Variants in USP50 observed in about 807,000 individuals in gnomAD.
The protein encoded by USP50 is ubiquitin carboxyl-terminal hydrolase 50.
USP50 carries 37 observed loss-of-function variants against 39.2 expected under a neutral mutation model. The observed-to-expected ratio is 0.94, with a 90% CI of 0.73 to 1.24. The LOEUF (loss-of-function observed/expected upper bound fraction) is 1.24. Ranked by LOEUF, USP50 falls within the 50% of genes most tolerant of loss-of-function variation. USP50 has a pLI of 0.00. For synonymous variants in USP50, 139 were observed against 144.5 expected, an observed-to-expected ratio of 0.96 and a Z score of 0.27; for missense variants, 374 against 398.2, an observed-to-expected ratio of 0.94 and a Z score of 0.52.
At chr15:50,544,010 G>A in intron 2 of USP50, 1 of 552,078 alleles carries the variant, frequency 1.8e-6, no homozygotes, top group South Asian at 2.0e-5. Flanking sequence ...CCCAGCTTGG[G>A]TGACAGAACA....
At chr15:50,509,186 T>G (rs1027592840) in intron 6 of USP50, 3 of 144,208 alleles carry the variant, frequency 2.1e-5, no homozygotes, top group South Asian at 4.4e-4. Context: ...GGACATGGTG[T>G]TGTGCCTGTA....
At chr15:50,498,174 A>G (rs2052487562), downstream of USP50, 1 of 155,682 alleles carries the variant, frequency 6.4e-6, no homozygotes, top group Non-Finnish European at 1.4e-5. Flanking sequence ...AATGAATGAC[A>G]TTATTTTAGT....
At chr15:50,537,502 A>C (rs1321652537) in intron 5 of USP50, among the ~76,000 whole-genome samples, 2 of 151,850 alleles carry the variant, frequency 1.3e-5, no homozygotes, top group African/African-American at 4.8e-5. Flanking sequence ...AAGAGAATAA[A>C]AAACAAGCCA....
At chr15:50,498,718 T>C, downstream of USP50, 1 of 1,607,404 alleles carries the variant, frequency 6.2e-7, no homozygotes, top group Non-Finnish European at 8.5e-7. Context: ...TATAATTTGT[T>C]TTCTGTTTCA....
intron 6 of USP50, chr15:50,501,289 A>ATATC (rs1474812084): frequency 7.0e-6 from 1 of 143,376 alleles, no homozygotes; most frequent in African/African-American, 2.6e-5. Context: ...GCGAGACTCC[A>ATATC]TATCTTTTAA....
intron 1 of USP50, among the ~76,000 whole-genome samples, chr15:50,495,300 ATAC>A (rs1424930877): frequency 0.26 from 28,540 of 108,144 alleles, 4,232 homozygotes; most frequent in African/African-American, 0.36. Context: ...ATATACATAT[ATAC>A]GTGTATATAT....
chr15:50,521,042 C>G (rs1160885763), intron 6 of USP50, among the ~76,000 whole-genome samples: 1 of 151,970 alleles, frequency 6.6e-6, no homozygotes, highest in African/African-American at 2.4e-5. Context: ...CAATTTGGTT[C>G]TTTTGTTTGT....
At chr15:50,543,858 G>A in intron 2 of USP50, 65 bp from the exon 3 acceptor site, 1 of 1,488,386 alleles carries the variant, frequency 6.7e-7, no homozygotes, top group Middle Eastern at 1.7e-4. Context: ...AATCACCCAA[G>A]CCTAGGAAAT....
At position 50,538,131 on chromosome 15, in the gene USP50, G is replaced by A. The variant is rs192423892; in HGVS notation, c.803+578C>T. ...TTTACCAAAAATACAAAAAAAATTAGCTGGGTGCGGTGGCGTGCACCTGTA... is the reference window on the plus strand; with the variant it reads ...TTTACCAAAAATACAAAAAAAATTAACTGGGTGCGGTGGCGTGCACCTGTA... On this transcript the variant is annotated intron_variant, in intron 5 of 6. Transcript: ENST00000532404. Among the ~76,000 whole-genome samples the A allele has an allele frequency of 2.8e-3, 423 of 151,334 alleles. 2 individuals are homozygous for A. Among genetic ancestry groups the A allele is most frequent in the African/African-American group, 9.8e-3 (404 of 41,274 alleles).
At chr15:50,536,462 G>A (rs1439197677) in intron 5 of USP50, among the ~76,000 whole-genome samples, 2 of 152,044 alleles carry the variant, frequency 1.3e-5, no homozygotes, top group African/African-American at 4.8e-5. Context: ...CCAACATGAC[G>A]AAACCCTGTC....
rs1382677533 is a variant in USP50 at position 50,518,028 on chromosome 15, A to G, written c.936+11769T>C. Among the ~76,000 whole-genome samples, 4 of 152,324 alleles carry G rather than the reference A, an allele frequency of 2.6e-5. No homozygotes were observed. In the East Asian group the frequency reaches 7.7e-4, roughly 29 times the overall value. On this transcript the variant is annotated intron_variant, in intron 6 of 6. Coordinates refer to ENST00000532404, the MANE Select transcript of USP50 (RefSeq NM_203494.5). ...AAAAGCAGTTCTAAGAGGGAAATTT[A>G]TAGCAATAAACACCTATATCAGAAA...
At chr15:50,497,765 T>C (rs903616393), downstream of USP50, 1 of 152,210 alleles carries the variant, frequency 6.6e-6, no homozygotes, top group Non-Finnish European at 1.5e-5. Context: ...TTCTTTGGTC[T>C]TCACATAATC....
intron 6 of USP50, chr15:50,508,997 G>A (rs1566902394): frequency 1.3e-5 from 2 of 152,120 alleles, no homozygotes; most frequent in South Asian, 2.1e-4. Flanking sequence ...ACCTGGGCAC[G>A]GTGGCGGGCG....
chr15:50,503,344 T>G (rs1487465061), intron 6 of USP50: 1 of 152,340 alleles, frequency 6.6e-6, no homozygotes, highest in Non-Finnish European at 1.5e-5. Flanking sequence ...ACAGGAAATT[T>G]AACAACAGTA....
chr15:50,531,438 A>AG (rs2052939939), intron 5 of USP50, among the ~76,000 whole-genome samples: 1 of 152,226 alleles, frequency 6.6e-6, no homozygotes, highest in African/African-American at 2.4e-5. Flanking sequence ...GCTAAGTGAA[A>AG]GAAAAACTCT....
intron 6 of USP50, chr15:50,501,045 C>A (rs2052576006): frequency 2.0e-6 from 1 of 507,038 alleles, no homozygotes. Flanking sequence ...TGCCCATTGA[C>A]TATCATCTGT....
At chr15:50,506,819 A>G (rs9635336) in intron 6 of USP50, 46,403 of 151,624 alleles carry the variant, frequency 0.31, 7,745 homozygotes, top group East Asian at 0.61. Flanking sequence ...TTAGCCGGGC[A>G]TGGTGGCAGG....
intron 6 of USP50, chr15:50,505,348 A>G (rs542734626): frequency 3.9e-5 from 6 of 152,344 alleles, no homozygotes; most frequent in African/African-American, 1.4e-4. Flanking sequence ...CATAGCAGCC[A>G]TAGAAATCAG....
chr15:50,539,828 G>A (rs1320499378), intron 4 of USP50, among the ~76,000 whole-genome samples: 4 of 152,314 alleles, frequency 2.6e-5, no homozygotes, highest in African/African-American at 9.6e-5. Flanking sequence ...CCATAATAAA[G>A]ATAGCAGAAC....
Sources: allele counts gnomAD v4.1 joint callset (sites outside exome capture counted in the v4.1 genomes callset), GRCh38; gene constraint gnomAD v4.1.1; transcripts MANE v1.5; gene names NCBI Gene and HGNC (gene_info 2026-07-23, HGNC 2026-07-21).